Variants in PLEKHA1 observed in about 807,000 individuals in gnomAD.
The protein encoded by PLEKHA1 is pleckstrin homology domain-containing family A member 1.
PLEKHA1 carries 34 observed loss-of-function variants against 52.0 expected under a neutral mutation model. That is an observed-to-expected ratio of 0.65 (90% confidence interval 0.50 to 0.87). PLEKHA1 has a LOEUF of 0.87. Ranked by LOEUF, PLEKHA1 falls within the 40% of genes least tolerant of loss-of-function variation. The pLI is 0.00. For missense variants in PLEKHA1, 497 were observed against 504.2 expected, an observed-to-expected ratio of 0.99 and a Z score of 0.14; for synonymous variants, 163 against 170.7, an observed-to-expected ratio of 0.95 and a Z score of 0.35.
chr10:122,400,454 C>A, intron 4 of PLEKHA1, 66 bp downstream of exon 4: 1 of 1,443,174 alleles, frequency 6.9e-7, no homozygotes, highest in Non-Finnish European at 9.4e-7. Context: ...TAAAAGAAAA[C>A]TGTTGCAGAA....
chr10:122,396,869 C>T (rs901685629), intron 2 of PLEKHA1, among the ~76,000 whole-genome samples: 2 of 151,944 alleles, frequency 1.3e-5, no homozygotes, highest in South Asian at 4.2e-4. Context: ...GTTTTCCTAC[C>T]TCTATCTTCC....
intron 4 of PLEKHA1, among the ~76,000 whole-genome samples, chr10:122,402,630 A>G (rs1163505603): frequency 6.6e-6 from 1 of 152,224 alleles, no homozygotes; most frequent in Non-Finnish European, 1.5e-5. Context: ...GGGAAGCAAC[A>G]GTGAGGAAGG....
At chr10:122,406,721 C>A in intron 5 of PLEKHA1, 48 bp downstream of exon 5, 1 of 1,375,020 alleles carries the variant, frequency 7.3e-7, no homozygotes, top group Non-Finnish European at 1.0e-6. Flanking sequence ...TGGAATTAAT[C>A]TTTTCATTTT....
At chr10:122,401,665 G>A (rs556417609) in intron 4 of PLEKHA1, among the ~76,000 whole-genome samples, 1 of 152,176 alleles carries the variant, frequency 6.6e-6, no homozygotes, top group Non-Finnish European at 1.5e-5. Flanking sequence ...GAGCTTTAGG[G>A]TCAAGAATGG....
chr10:122,426,922 T>A lies in PLEKHA1; in HGVS notation c.811-20T>A, dbSNP rs1336753500. On this transcript the variant is annotated intron_variant, in intron 10 of 11. Transcript: ENST00000368990. ...TGATTTTGAGAAAAAATTGTTTGAA[T>A]GAGTTCTTTTTTCCTTTAGGCTGAT... The A allele has an allele frequency of 6.3e-7, 1 of 1,594,816 alleles. No homozygotes were observed. Among genetic ancestry groups the A allele is most frequent in the South Asian group, 1.1e-5 (1 of 90,056 alleles).
chr10:122,429,060 CTG>C (rs1302820524), intron 11 of PLEKHA1, among the ~76,000 whole-genome samples: 1 of 152,074 alleles, frequency 6.6e-6, no homozygotes, highest in Non-Finnish European at 1.5e-5. Flanking sequence ...AATGAAAAGA[CTG>C]TGCTATTATT....
chr10:122,396,977 T>C (rs1164964806), intron 2 of PLEKHA1, among the ~76,000 whole-genome samples: 1 of 152,104 alleles, frequency 6.6e-6, no homozygotes, highest in East Asian at 1.9e-4. Context: ...TGGCCTCAAA[T>C]TCTCTACGAT....
At chr10:122,381,513 T>G (rs1245902568) in intron 1 of PLEKHA1, among the ~76,000 whole-genome samples, 2 of 152,082 alleles carry the variant, frequency 1.3e-5, no homozygotes, top group African/African-American at 2.4e-5. Context: ...TCTTCTCTCT[T>G]TCTTCCTCCT....
chr10:122,403,720 G>A lies in PLEKHA1; in HGVS notation c.245-2856G>A, dbSNP rs571656145. Among the ~76,000 whole-genome samples the A allele has an allele frequency of 2.0e-4, 30 of 151,314 alleles. No individual in the cohort carries two copies. In the South Asian group the frequency reaches 4.4e-3, roughly 22 times the overall value. The stretch of plus-strand genomic sequence containing the variant: ...TCCCCTTTTTTTTTCTTTTGAGATG[G>A]AGCCTCACTCCCCCAGGCCGGAATG... On this transcript the variant is annotated intron_variant, in intron 4 of 11. Coordinates refer to ENST00000368990, the MANE Select transcript of PLEKHA1 (RefSeq NM_001001974.4).
intron 5 of PLEKHA1, among the ~76,000 whole-genome samples, chr10:122,407,247 T>C (rs1174007673): frequency 6.6e-6 from 1 of 152,196 alleles, no homozygotes; most frequent in African/African-American, 2.4e-5. Flanking sequence ...CTGATTTTTT[T>C]CCTTGCATTC....
intron 5 of PLEKHA1, among the ~76,000 whole-genome samples, chr10:122,411,242 G>T (rs1366619928): frequency 6.6e-6 from 1 of 152,156 alleles, no homozygotes; most frequent in Non-Finnish European, 1.5e-5. Flanking sequence ...GGAGGATTGG[G>T]CCTGGGGCCT....
intron 5 of PLEKHA1, among the ~76,000 whole-genome samples, chr10:122,411,418 A>G (rs1372788284): frequency 6.6e-6 from 1 of 152,222 alleles, no homozygotes; most frequent in Non-Finnish European, 1.5e-5. Context: ...TGTTTGCTCA[A>G]TATTTTGCAG....
At chr10:122,436,120 T>C (rs989211068), downstream of PLEKHA1, 1 of 152,162 alleles carries the variant, frequency 6.6e-6, no homozygotes, top group African/African-American at 2.4e-5. Flanking sequence ...CAGAGTCAGA[T>C]TAGGCTTGAA....
chr10:122,425,255 T>G, intron 10 of PLEKHA1: 1 of 232,706 alleles, frequency 4.3e-6, no homozygotes, highest in African/African-American at 2.2e-5. Flanking sequence ...TGCACATGTT[T>G]TAGAATTTTG....
chr10:122,385,936 G>T (rs2096689059), intron 1 of PLEKHA1, among the ~76,000 whole-genome samples: 1 of 152,116 alleles, frequency 6.6e-6, no homozygotes, highest in South Asian at 2.1e-4. Context: ...GACTAATACT[G>T]CTATAAACAT....
the PLEKHA1 span, chr10:122,437,465 G>C: frequency 6.6e-6 from 1 of 152,236 alleles, no homozygotes; most frequent in African/African-American, 2.4e-5. Context: ...ATTTGGAATT[G>C]AGAGAAATCA....
chr10:122,440,186 G>T, the PLEKHA1 span: 1 of 152,162 alleles, frequency 6.6e-6, no homozygotes, highest in African/African-American at 2.4e-5. Context: ...AAATTTAGGA[G>T]TCTTTAAAAA....
chr10:122,397,453 A>C (rs930595210), intron 2 of PLEKHA1, among the ~76,000 whole-genome samples: 1 of 152,160 alleles, frequency 6.6e-6, no homozygotes, highest in East Asian at 1.9e-4. Context: ...GGCATAAAAA[A>C]CAGTAAACCA....
chr10:122,407,268 T>A (rs1342085224), intron 5 of PLEKHA1, among the ~76,000 whole-genome samples: 2 of 152,216 alleles, frequency 1.3e-5, no homozygotes, highest in African/African-American at 2.4e-5. Flanking sequence ...CAGGGCTTGG[T>A]ACCCTTGCCC....
Sources: allele counts gnomAD v4.1 joint callset (sites outside exome capture counted in the v4.1 genomes callset), GRCh38; gene constraint gnomAD v4.1.1; transcripts MANE v1.5; gene names NCBI Gene and HGNC (gene_info 2026-07-23, HGNC 2026-07-21).